Variants in VWA5A observed in about 807,000 individuals in gnomAD.
VWA5A encodes von Willebrand factor A domain-containing protein 5A.
In VWA5A, 77 loss-of-function variants were observed where a neutral mutation model predicts 84.6. The ratio of observed to expected loss-of-function variants is 0.91; its 90% CI spans 0.76 to 1.10. VWA5A has a LOEUF of 1.10. Ranked by LOEUF, VWA5A falls within the 50% of genes least tolerant of loss-of-function variation. VWA5A has a pLI of 0.00. For missense variants in VWA5A, 973 were observed against 963.0 expected, an observed-to-expected ratio of 1.01 and a Z score of -0.14; for synonymous variants, 334 against 350.1, an observed-to-expected ratio of 0.95 and a Z score of 0.51.
chr11:124,129,384 T>C (rs1310246502), intron 11 of VWA5A, among the ~76,000 whole-genome samples: 1 of 152,232 alleles, frequency 6.6e-6, no homozygotes, highest in East Asian at 1.9e-4. Context: ...GGTTTGCTAG[T>C]ATTTTATTGA....
At chr11:124,124,757 C>A in intron 11 of VWA5A, 1 of 164,380 alleles carries the variant, frequency 6.1e-6, no homozygotes, top group South Asian at 2.0e-4. Context: ...CCTGTCACTA[C>A]ACACTAAAAC....
rs1333546596 is a variant in VWA5A at position 124,147,442 on chromosome 11, TG to T, written c.*1498del. ...ACTCAGAAAGTGGGTGGACTAGGCCTGAGTTTCTTTAAGTTGTTGAGTTACC... is the reference window on the plus strand; with the variant it reads ...ACTCAGAAAGTGGGTGGACTAGGCCTAGTTTCTTTAAGTTGTTGAGTTACC... On this transcript the variant is annotated 3_prime_UTR_variant, in exon 19 of 19. Transcript: ENST00000456829. 6.6e-6 allele frequency: 1 copy of T among 152,230 alleles called. No homozygotes were observed. Among genetic ancestry groups the T allele is most frequent in the African/African-American group, 2.4e-5 (1 of 41,470 alleles). The allele number at this position is 152,230 out of a possible 1,614,324, so 9.4% of individuals were successfully genotyped here.
chr11:124,123,206 C>A, intron 8 of VWA5A, 77 bp downstream of exon 8: 1 of 1,551,622 alleles, frequency 6.4e-7, no homozygotes, highest in South Asian at 1.2e-5. Context: ...AAGGGTCTAT[C>A]TGGAGCCTGA....
chr11:124,121,742 C>T (rs1214402908), intron 7 of VWA5A, among the ~76,000 whole-genome samples: 2 of 152,160 alleles, frequency 1.3e-5, no homozygotes, highest in Non-Finnish European at 2.9e-5. Context: ...TTGAGCCAGG[C>T]TAAAATTATA....
At chr11:124,143,220 A>G (rs1860762726) in intron 17 of VWA5A, among the ~76,000 whole-genome samples, 1 of 152,228 alleles carries the variant, frequency 6.6e-6, no homozygotes, top group Non-Finnish European at 1.5e-5. Context: ...TTTCAGATGT[A>G]TTTAAATATG....
chr11:124,116,947 C>T (rs1276847635), intron 2 of VWA5A, among the ~76,000 whole-genome samples: 2 of 152,120 alleles, frequency 1.3e-5, no homozygotes, highest in Non-Finnish European at 2.9e-5. Flanking sequence ...TCACATGCAG[C>T]GCGTCTCTGA....
At chr11:124,134,824 A>C (rs1865148845) in intron 11 of VWA5A, 96 bp from the exon 12 acceptor site, 7 of 849,010 alleles carry the variant, frequency 8.2e-6, no homozygotes, top group Non-Finnish European at 1.3e-5. Flanking sequence ...TCAAGAAAGT[A>C]GACTATTTCC....
chr11:124,119,898 TAA>T (rs1049411912), intron 7 of VWA5A, among the ~76,000 whole-genome samples: 20 of 152,228 alleles, frequency 1.3e-4, no homozygotes, highest in African/African-American at 3.9e-4. Flanking sequence ...TTAGATTGAC[TAA>T]GTTTAATTCT....
rs1469354273 is a variant in VWA5A at position 124,147,089 on chromosome 11, A to T, written c.*1144A>T. The T allele has an allele frequency of 2.4e-5, 4 of 165,036 alleles. No homozygotes were observed. Among genetic ancestry groups the T allele is most frequent in the African/African-American group, 7.2e-5 (3 of 41,586 alleles). The allele number at this position is 165,036 out of a possible 1,614,324, so 10.2% of individuals were successfully genotyped here. A position where few individuals can be genotyped will look rare whatever the true frequency, so the allele number is the denominator to read the frequency against. Reference sequence around the variant, plus strand: ...AGCTTAGCAAGAGGTCTACTCCTCCATAGATTCATTTATTGAACTTACATT... The same window carrying T: ...AGCTTAGCAAGAGGTCTACTCCTCCTTAGATTCATTTATTGAACTTACATT... On this transcript the variant is annotated 3_prime_UTR_variant, in exon 19 of 19. Coordinates refer to ENST00000456829, the MANE Select transcript of VWA5A (RefSeq NM_001130142.2).
intron 11 of VWA5A, among the ~76,000 whole-genome samples, chr11:124,132,724 A>G (rs559858837): frequency 3.3e-5 from 5 of 152,220 alleles, no homozygotes; most frequent in East Asian, 3.9e-4. Flanking sequence ...GGTACTTTCT[A>G]TCATATAAGT....
At position 124,145,959 on chromosome 11, in the gene VWA5A, A is replaced by G; in HGVS notation, c.*14A>G. ...TTTGCCTTTTGAAGATACCATCCAG[A>G]AAAAGAAGTGCCTTTAATTTGCTAC... is the stretch of plus-strand genomic sequence containing the variant. On this transcript the variant is annotated 3_prime_UTR_variant, in exon 19 of 19. Transcript: ENST00000456829. 1 of 1,575,900 alleles carries G rather than the reference A, an allele frequency of 6.3e-7. No homozygotes were observed. The highest frequency in any genetic ancestry group is 8.6e-7 in the Non-Finnish European group (1 of 1,156,762).
chr11:124,118,001 C>T, intron 4 of VWA5A, 126 bp downstream of exon 4: 1 of 1,337,794 alleles, frequency 7.5e-7, no homozygotes, highest in Non-Finnish European at 1.0e-6. Context: ...AAAGCTCTTT[C>T]TTCCACTCTT....
At chr11:124,129,462 A>AGT (rs1258211058) in intron 11 of VWA5A, among the ~76,000 whole-genome samples, 2 of 152,132 alleles carry the variant, frequency 1.3e-5, no homozygotes, top group Admixed American at 6.6e-5. Context: ...TGTCTCAGCC[A>AGT]GGTTTTGGTA....
At chr11:124,135,139 G>C in intron 12 of VWA5A, 105 bp downstream of exon 12, 1 of 877,548 alleles carries the variant, frequency 1.1e-6, no homozygotes, top group Non-Finnish European at 1.7e-6. Flanking sequence ...TTTCCTCCAG[G>C]ATACCTGTTC....
At chr11:124,130,625 A>T (rs1865082509) in intron 11 of VWA5A, among the ~76,000 whole-genome samples, 1 of 152,098 alleles carries the variant, frequency 6.6e-6, no homozygotes, top group Admixed American at 6.5e-5. Flanking sequence ...GTCTTTTTGT[A>T]GGTCTCTAAG....
chr11:124,141,479 A>G, intron 15 of VWA5A, 119 bp from the exon 16 acceptor site: 12 of 1,299,774 alleles, frequency 9.2e-6, no homozygotes, highest in Non-Finnish European at 1.1e-5. Flanking sequence ...AAAATAGCAC[A>G]GTAAGGGTGG....
At chr11:124,124,408 A>G in intron 11 of VWA5A, 92 bp downstream of exon 11, 1 of 1,495,774 alleles carries the variant, frequency 6.7e-7, no homozygotes, top group Middle Eastern at 1.7e-4. Flanking sequence ...CCTTCCTTCA[A>G]GAGGACCAAA....
chr11:124,137,228 G>A lies in VWA5A; in HGVS notation c.1839G>A (p.Leu613=). The part of the protein sequence containing the change: ...LAHRDVPRPI[L]LGASAPLKIK... Reference sequence around the variant, plus strand: ...ATAGGGACGTCCCAAGGCCAATTCTGTTGGGTGCTTCTGCCCCATTGAAGA... The same window carrying A: ...ATAGGGACGTCCCAAGGCCAATTCTATTGGGTGCTTCTGCCCCATTGAAGA... The change falls in exon 15 of 19, where the codon CTG becomes CTA. Residue 613 remains leucine (L), a synonymous_variant. Coordinates refer to ENST00000456829, the MANE Select transcript of VWA5A (RefSeq NM_001130142.2). 6.8e-6 allele frequency: 11 copies of A among 1,614,164 alleles called. No homozygotes were observed. Among genetic ancestry groups the A allele is most frequent in the Non-Finnish European group, 9.3e-6 (11 of 1,180,038 alleles).
intron 17 of VWA5A, among the ~76,000 whole-genome samples, chr11:124,143,346 T>C (rs1052224657): frequency 2.6e-5 from 4 of 152,212 alleles, no homozygotes; most frequent in Admixed American, 2.0e-4. Context: ...ACAAATATCA[T>C]TCTAAACTTT....
Sources: allele counts gnomAD v4.1 joint callset (sites outside exome capture counted in the v4.1 genomes callset), GRCh38; gene constraint gnomAD v4.1.1; transcripts MANE v1.5; gene names NCBI Gene and HGNC (gene_info 2026-07-23, HGNC 2026-07-21).